NR3C2: variants seen among roughly 807,000 people sequenced by gnomAD.
NR3C2 encodes the protein mineralocorticoid receptor.
In NR3C2, 15 loss-of-function variants were observed where a neutral mutation model predicts 86.4. That is an observed-to-expected ratio of 0.17 (90% CI 0.12 to 0.27). NR3C2 has a LOEUF of 0.27. Among genes scored for constraint, NR3C2 ranks in the 10% least tolerant of loss-of-function variants. The probability of loss-of-function intolerance (pLI) is 1.00; values close to 1 mark genes in which losing one functional copy is unlikely to be tolerated. For synonymous variants in NR3C2, 458 were observed against 450.5 expected, an observed-to-expected ratio of 1.02 and a Z score of -0.21; for missense variants, 960 against 1,195.6, an observed-to-expected ratio of 0.80 and a Z score of 2.91.
chr4:148,419,043 CT>C lies in NR3C2; in HGVS notation c.1757+16060del, dbSNP rs1749142714. ...ACCCTCATCTTTTTCAAATGTATCT[CT>C]AGCCTGTTTACATGGGTCACCCTGC... On this transcript the variant is annotated intron_variant, in intron 2 of 8. Transcript: ENST00000358102. Among the ~76,000 whole-genome samples, 3 of 152,028 alleles carry C rather than the reference CT, an allele frequency of 2.0e-5. 1 individual carries two copies. In the South Asian group the frequency reaches 6.2e-4, roughly 32 times the overall value.
chr4:148,216,932 C>CT (rs1737569441), intron 3 of NR3C2, among the ~76,000 whole-genome samples: 1 of 152,176 alleles, frequency 6.6e-6, no homozygotes, highest in Non-Finnish European at 1.5e-5. Context: ...TGGCCAAAGT[C>CT]TTTTTTACCA....
At chr4:148,318,306 TG>T (rs1198314036) in intron 2 of NR3C2, among the ~76,000 whole-genome samples, 1 of 151,850 alleles carries the variant, frequency 6.6e-6, no homozygotes, top group Non-Finnish European at 1.5e-5. Context: ...TCCAAGTCTT[TG>T]CTATTGTGAA....
intron 3 of NR3C2, among the ~76,000 whole-genome samples, chr4:148,202,386 G>A (rs1736769970): frequency 6.6e-6 from 1 of 152,146 alleles, no homozygotes; most frequent in Non-Finnish European, 1.5e-5. Flanking sequence ...TGGCTTGCCT[G>A]CCTCCACATT....
chr4:148,427,630 C>T (rs1579286505), intron 2 of NR3C2, among the ~76,000 whole-genome samples: 1 of 151,698 alleles, frequency 6.6e-6, no homozygotes, highest in South Asian at 2.1e-4. Flanking sequence ...ATAAGGAGGG[C>T]AGCCATAGAA....
intron 2 of NR3C2, among the ~76,000 whole-genome samples, chr4:148,299,718 C>A (rs1369668420): frequency 1.3e-5 from 2 of 152,220 alleles, no homozygotes; most frequent in African/African-American, 2.4e-5. Flanking sequence ...ATAAGAGGTT[C>A]TTCCCCATGG....
At chr4:148,093,875 C>T (rs927306615) in intron 8 of NR3C2, among the ~76,000 whole-genome samples, 3 of 151,914 alleles carry the variant, frequency 2.0e-5, no homozygotes, top group Non-Finnish European at 4.4e-5. Flanking sequence ...ACTGTGCATC[C>T]AAGGCCACCA....
intron 2 of NR3C2, among the ~76,000 whole-genome samples, chr4:148,334,896 G>GT: frequency 6.6e-6 from 1 of 152,246 alleles, no homozygotes. Context: ...CTCGCTTCTG[G>GT]TGTTCTGTGG....
intron 6 of NR3C2, among the ~76,000 whole-genome samples, chr4:148,148,885 A>T (rs1421856477): frequency 1.3e-5 from 2 of 152,192 alleles, no homozygotes. Context: ...TGCTTAGAAT[A>T]CTGACAACAG....
chr4:148,379,096 A>T (rs905217094), intron 2 of NR3C2, among the ~76,000 whole-genome samples: 4 of 152,220 alleles, frequency 2.6e-5, no homozygotes, highest in Admixed American at 2.6e-4. Context: ...CACTAACAAG[A>T]GATTAAGCAC....
chr4:148,248,784 G>C (rs1338196682), intron 3 of NR3C2, among the ~76,000 whole-genome samples: 1 of 152,068 alleles, frequency 6.6e-6, no homozygotes, highest in Non-Finnish European at 1.5e-5. Context: ...ACATAAAGTA[G>C]CCACAGTTTA....
chr4:148,102,759 G>A (rs2149718269), intron 8 of NR3C2, among the ~76,000 whole-genome samples: 1 of 152,304 alleles, frequency 6.6e-6, no homozygotes, highest in East Asian at 1.9e-4. Context: ...GCTTTCTGTT[G>A]TCATTATAAA....
chr4:148,387,046 A>G (rs181755404), intron 2 of NR3C2, among the ~76,000 whole-genome samples: 65 of 152,226 alleles, frequency 4.3e-4, no homozygotes, highest in Admixed American at 1.1e-3. Flanking sequence ...TCTCAACCTC[A>G]CTGCAGTTAT....
At chr4:148,428,580 T>C (rs1045687988) in intron 2 of NR3C2, among the ~76,000 whole-genome samples, 1 of 152,244 alleles carries the variant, frequency 6.6e-6, no homozygotes, top group African/African-American at 2.4e-5. Flanking sequence ...ATTCTCATTA[T>C]GTAAGTGAAT....
intron 2 of NR3C2, among the ~76,000 whole-genome samples, chr4:148,383,776 C>T (rs1747120711): frequency 2.0e-5 from 3 of 151,920 alleles, no homozygotes; most frequent in African/African-American, 7.2e-5. Flanking sequence ...GGTGAAACCC[C>T]GTCTCTACTA....
intron 2 of NR3C2, among the ~76,000 whole-genome samples, chr4:148,346,486 C>T (rs1744998527): frequency 6.6e-6 from 1 of 152,038 alleles, no homozygotes; most frequent in South Asian, 2.1e-4. Context: ...TCCTAGGAAA[C>T]TGGATCATGG....
rs76328406 is a variant in NR3C2, at chr4:148,228,890, G to A, written c.1897+31088C>T. Among the ~76,000 whole-genome samples, 355 of 152,218 alleles carry A rather than the reference G, an allele frequency of 2.3e-3. 2 individuals are homozygous for A. The highest frequency in any genetic ancestry group is 8.3e-3 in the African/African-American group (345 of 41,544). ...TTCCACCACAGCCAGACTGCCGGCA[G>A]GAAAGAAAGGCAAACTATCCGCAGG... is the stretch of plus-strand genomic sequence containing the variant. On this transcript the variant is annotated intron_variant, in intron 3 of 8. Coordinates refer to ENST00000358102, the MANE Select transcript of NR3C2 (RefSeq NM_000901.5).
intron 3 of NR3C2, among the ~76,000 whole-genome samples, chr4:148,233,366 G>GTTTTT (rs56388064): frequency 0.36 from 51,650 of 142,452 alleles, 10,523 homozygotes; most frequent in South Asian, 0.53. Context: ...ATTTCTTTAG[G>GTTTTT]TTTTTTTTTT....
rs72655270 is a variant in NR3C2, at chr4:148,273,390, C to A, written c.1758-13273G>T. Among the ~76,000 whole-genome samples, 25 of 152,026 alleles carry A rather than the reference C, an allele frequency of 1.6e-4. 1 individual carries two copies. Among genetic ancestry groups the A allele is most frequent in the African/African-American group, 6.0e-4 (25 of 41,366 alleles). On this transcript the variant is annotated intron_variant, in intron 2 of 8. Transcript: ENST00000358102. ...TGAGAAAGAGATTAATATTTTGAAA[C>A]ATAAGTGACAAAACACACATGTATA...
rs774309681 is a variant in NR3C2, at chr4:148,081,492, C to G, written c.2807G>C (p.Ser936Thr). 1.5e-5 allele frequency: 25 copies of G among 1,613,862 alleles called. 1 individual carries two copies. The South Asian group carries it at 2.5e-4, about 16-fold the overall frequency. The stretch of plus-strand genomic sequence containing the variant: ...GTAGAAGCAGAATTCCAGCAGGTCG[C>G]TCACCAGCTGTAACACAGACACAGG... Reference protein sequence around the residue: ...KLLDSMHDLVSDLLEFCFYTF... With the variant: ...KLLDSMHDLVTDLLEFCFYTF... The change falls in exon 9 of 9, where the codon AGC becomes ACC. Residue 936 changes from serine (S) to threonine (T), a missense_variant. Physicochemically the swap from Ser to Thr is moderately conservative, Grantham distance 58. Coordinates refer to ENST00000358102, the MANE Select transcript of NR3C2 (RefSeq NM_000901.5).
Sources: allele counts gnomAD v4.1 joint callset (sites outside exome capture counted in the v4.1 genomes callset), GRCh38; gene constraint gnomAD v4.1.1; transcripts MANE v1.5; gene names NCBI Gene and HGNC (gene_info 2026-07-23, HGNC 2026-07-21).